Variants in TAFA1 observed in about 807,000 individuals in gnomAD.
The protein encoded by TAFA1 is chemokine-like protein TAFA-1.
TAFA1 carries 4 observed loss-of-function variants against 18.5 expected under a neutral mutation model. The ratio of observed to expected loss-of-function variants is 0.22; its 90% CI spans 0.11 to 0.49. TAFA1 has a LOEUF of 0.49. Among genes scored for constraint, TAFA1 ranks in the 20% least tolerant of loss-of-function variants. The pLI is 0.98. For synonymous variants in TAFA1, 56 were observed against 55.2 expected (o/e 1.01, Z -0.06); for missense variants, 147 against 169.0 (o/e 0.87, Z 0.72).
chr3:68,125,134 T>C lies in TAFA1; in HGVS notation c.118+118390T>C, dbSNP rs80237964. Among the ~76,000 whole-genome samples, 560 of 152,356 alleles carry C rather than the reference T, an allele frequency of 3.7e-3. 3 individuals carry two copies. Among genetic ancestry groups the C allele is most frequent in the African/African-American group, 0.012 (510 of 41,580 alleles). On this transcript the variant is annotated intron_variant, in intron 2 of 4. Transcript: ENST00000478136. Reference sequence around the variant, plus strand: ...GGTAGTGAGCACACAATCTGGATTCTGAGTTCATAGGTTTGAATCTTTATC... The same window carrying C: ...GGTAGTGAGCACACAATCTGGATTCCGAGTTCATAGGTTTGAATCTTTATC...
the TAFA1 span, among the ~76,000 whole-genome samples, chr3:67,992,091 T>G: frequency 0.063 from 9,577 of 152,298 alleles, 474 homozygotes; most frequent in Admixed American, 0.15. Context: ...TGTGTTTCAC[T>G]AGTGGACAGA....
intron 2 of TAFA1, among the ~76,000 whole-genome samples, chr3:68,200,123 T>G (rs1263788551): frequency 6.6e-6 from 1 of 151,668 alleles, no homozygotes; most frequent in African/African-American, 2.4e-5. Flanking sequence ...AGCTTGTGGA[T>G]ATGATGAATT....
At chr3:68,465,600 A>C (rs1393247076) in intron 3 of TAFA1, among the ~76,000 whole-genome samples, 1 of 152,226 alleles carries the variant, frequency 6.6e-6, no homozygotes, top group Non-Finnish European at 1.5e-5. Flanking sequence ...GATATTTCAG[A>C]ACTAGAATAG....
rs188586846 is a variant in TAFA1, at chr3:68,092,766, C to T, written c.118+86022C>T. ...GACACCCACCAGAATAGCAATCGCA[C>T]TCCCCAAATGTACCAAAATAAAATC... is the stretch of plus-strand genomic sequence containing the variant. On this transcript the variant is annotated intron_variant, in intron 2 of 4. Transcript: ENST00000478136. Among the ~76,000 whole-genome samples the T allele has an allele frequency of 2.0e-3, 310 of 152,198 alleles. 1 individual carries two copies. The highest frequency in any genetic ancestry group is 7.2e-3 in the African/African-American group (301 of 41,542).
intron 2 of TAFA1, among the ~76,000 whole-genome samples, chr3:68,375,541 A>G (rs1491740): frequency 0.018 from 2,673 of 152,304 alleles, 75 homozygotes; most frequent in African/African-American, 0.061. Flanking sequence ...AAGCCCAATC[A>G]AATTTCATGC....
intron 2 of TAFA1, among the ~76,000 whole-genome samples, chr3:68,212,003 T>A (rs1002365518): frequency 9.2e-5 from 14 of 151,910 alleles, no homozygotes; most frequent in Admixed American, 7.9e-4. Context: ...TCTAATCAAG[T>A]AAATAGACTG....
intron 2 of TAFA1, among the ~76,000 whole-genome samples, chr3:68,256,962 T>G (rs1236927220): frequency 6.6e-6 from 1 of 152,088 alleles, no homozygotes; most frequent in Non-Finnish European, 1.5e-5. Context: ...TTCATGTCAT[T>G]CCTACACTTG....
At chr3:68,204,823 A>G (rs2107050131) in intron 2 of TAFA1, among the ~76,000 whole-genome samples, 1 of 151,968 alleles carries the variant, frequency 6.6e-6, no homozygotes, top group African/African-American at 2.4e-5. Context: ...CGAGTTAATG[A>G]CTAATCTATG....
chr3:68,262,465 A>G (rs1307820919), intron 2 of TAFA1, among the ~76,000 whole-genome samples: 1 of 150,132 alleles, frequency 6.7e-6, no homozygotes, highest in African/African-American at 2.4e-5. Flanking sequence ...CACCATATCT[A>G]TTGTTCCTAT....
intron 2 of TAFA1, among the ~76,000 whole-genome samples, chr3:68,362,508 A>G (rs1190014482): frequency 2.0e-5 from 3 of 152,192 alleles, no homozygotes; most frequent in African/African-American, 4.8e-5. Context: ...TATGGTGTTT[A>G]TGGACTTGAT....
In TAFA1 at chr3:68,310,923, T is replaced by G. The variant is rs539091414; in HGVS notation, c.119-106357T>G. ...TTGGTTGCTTATTATATTAGTCCAT[T>G]TTCATGCTGCTGATAAAGACACACC... On this transcript the variant is annotated intron_variant, in intron 2 of 4. Transcript: ENST00000478136. Among the ~76,000 whole-genome samples, 31 of 152,264 alleles carry G rather than the reference T, an allele frequency of 2.0e-4. 1 individual carries two copies. In the South Asian group the frequency reaches 6.4e-3, roughly 32 times the overall value.
chr3:68,221,176 A>G (rs1456998085), intron 2 of TAFA1, among the ~76,000 whole-genome samples: 1 of 152,152 alleles, frequency 6.6e-6, no homozygotes, highest in Non-Finnish European at 1.5e-5. Context: ...TTGGTCCAGT[A>G]ACAAATACTC....
chr3:68,404,010 C>T (rs1350095792), intron 2 of TAFA1, among the ~76,000 whole-genome samples: 6 of 152,188 alleles, frequency 3.9e-5, no homozygotes, highest in Non-Finnish European at 8.8e-5. Flanking sequence ...GCAACAGCAT[C>T]AGAGCAAACA....
At chr3:68,233,786 G>A (rs1036868318) in intron 2 of TAFA1, among the ~76,000 whole-genome samples, 1 of 152,094 alleles carries the variant, frequency 6.6e-6, no homozygotes, top group African/African-American at 2.4e-5. Context: ...TCTTGAAACT[G>A]TCTATACCAG....
chr3:68,402,400 GA>G (rs2070514487), intron 2 of TAFA1, among the ~76,000 whole-genome samples: 1 of 152,156 alleles, frequency 6.6e-6, no homozygotes, highest in African/African-American at 2.4e-5. Context: ...AGCCAGAGAG[GA>G]AAAGAAAAAC....
Position 68,076,256 on chromosome 3 carries a change from A to T in TAFA1, c.118+69512A>T, listed in dbSNP as rs1436694271. ...CCCACACAGAAGTCAACAAGCCATA[A>T]GGGGTTTTTCCATTGTTCCTACTTC... On this transcript the variant is annotated intron_variant, in intron 2 of 4. Coordinates refer to ENST00000478136, the MANE Select transcript of TAFA1 (RefSeq NM_213609.4). 1.3e-5 allele frequency among the ~76,000 whole-genome samples: 2 copies of T among 150,742 alleles called. 1 individual carries two copies. Among genetic ancestry groups the T allele is most frequent in the Admixed American group, 1.3e-4 (2 of 15,076 alleles).
intron 2 of TAFA1, among the ~76,000 whole-genome samples, chr3:68,129,948 A>C (rs561296318): frequency 6.6e-6 from 1 of 152,348 alleles, no homozygotes; most frequent in African/African-American, 2.4e-5. Context: ...TAAGTCCTGC[A>C]ATGTAGAAGC....
At chr3:68,193,694 TTC>T (rs2066376271) in intron 2 of TAFA1, among the ~76,000 whole-genome samples, 1 of 151,828 alleles carries the variant, frequency 6.6e-6, no homozygotes, top group Non-Finnish European at 1.5e-5. Context: ...CTTAGAGAAA[TTC>T]TGTTTTTCAC....
At chr3:68,271,833 C>G (rs1172604670) in intron 2 of TAFA1, among the ~76,000 whole-genome samples, 1 of 144,536 alleles carries the variant, frequency 6.9e-6, no homozygotes, top group Non-Finnish European at 1.5e-5. Flanking sequence ...CTCTCTCTCT[C>G]TCTCACACAC....
Sources: allele counts gnomAD v4.1 joint callset (sites outside exome capture counted in the v4.1 genomes callset), GRCh38; gene constraint gnomAD v4.1.1; transcripts MANE v1.5; gene names NCBI Gene and HGNC (gene_info 2026-07-23, HGNC 2026-07-21).